LRRIQ3: variants seen among roughly 807,000 people sequenced by gnomAD.
The protein encoded by LRRIQ3 is leucine rich repeats and IQ motif containing 3, also known as leucine-rich repeat and IQ domain-containing protein 3.
A neutral mutation model predicts 59.3 loss-of-function variants in LRRIQ3; 75 were observed. The ratio of observed to expected loss-of-function variants is 1.26; its 90% confidence interval spans 1.05 to 1.53. LRRIQ3 has a LOEUF of 1.53. LRRIQ3 is among the 40% of genes most tolerant of loss of function. The pLI, the probability that LRRIQ3 is intolerant of heterozygous loss-of-function variation, is 0.00. For synonymous variants in LRRIQ3, 250 were observed against 231.3 expected, an observed-to-expected ratio of 1.08 and a Z score of -0.73; for missense variants, 831 against 710.0, an observed-to-expected ratio of 1.17 and a Z score of -1.94.
At chr1:74,128,185 C>A (rs541374929) in intron 4 of LRRIQ3, among the ~76,000 whole-genome samples, 1 of 152,086 alleles carries the variant, frequency 6.6e-6, no homozygotes, top group South Asian at 2.1e-4. Flanking sequence ...TTATTAAATA[C>A]CTTGAGGTTG....
At chr1:74,080,671 C>A (rs760606306) in intron 5 of LRRIQ3, among the ~76,000 whole-genome samples, 1 of 151,636 alleles carries the variant, frequency 6.6e-6, no homozygotes, top group Non-Finnish European at 1.5e-5. Flanking sequence ...GAGTGCTAAT[C>A]CAGATCTTAC....
intron 6 of LRRIQ3, among the ~76,000 whole-genome samples, chr1:74,059,352 T>TTTTTTTTTTTTTTTTTTTGAGACGGAG (rs1557597228): frequency 4.6e-5 from 7 of 152,098 alleles, no homozygotes; most frequent in African/African-American, 1.4e-4. Context: ...ATCTTCTCTT[T>TTTTTTTTTTTTTTTTTTTGAGACGGAG]TAAGACATTT....
chr1:74,154,640 C>T (rs1442665138), intron 4 of LRRIQ3, among the ~76,000 whole-genome samples: 1 of 152,064 alleles, frequency 6.6e-6, no homozygotes, highest in Non-Finnish European at 1.5e-5. Context: ...GGGAAATAAC[C>T]TAAAAACAAG....
chr1:74,140,652 A>T (rs1436608219), intron 4 of LRRIQ3, among the ~76,000 whole-genome samples: 3 of 151,864 alleles, frequency 2.0e-5, no homozygotes, highest in Admixed American at 2.0e-4. Flanking sequence ...GGCCATATGC[A>T]AATCTCAATG....
At chr1:74,166,297 T>G (rs912731914) in intron 3 of LRRIQ3, among the ~76,000 whole-genome samples, 1 of 151,684 alleles carries the variant, frequency 6.6e-6, no homozygotes, top group African/African-American at 2.4e-5. Context: ...TTGTGTTTTT[T>G]TTTCTGTAGA....
At chr1:74,174,107 C>G (rs1012459428) in intron 3 of LRRIQ3, among the ~76,000 whole-genome samples, 4 of 151,904 alleles carry the variant, frequency 2.6e-5, no homozygotes, top group Non-Finnish European at 5.9e-5. Context: ...CACTTTCTTC[C>G]CTCTTTTCTC....
At chr1:74,190,677 T>C (rs937725647) in intron 1 of LRRIQ3, among the ~76,000 whole-genome samples, 13 of 150,164 alleles carry the variant, frequency 8.7e-5, no homozygotes, top group African/African-American at 2.9e-4. Context: ...GTAGGATAAA[T>C]GTAAGAAAAT....
chr1:74,140,443 A>T (rs1443524513), intron 4 of LRRIQ3, among the ~76,000 whole-genome samples: 3 of 151,818 alleles, frequency 2.0e-5, no homozygotes, highest in Admixed American at 6.6e-5. Flanking sequence ...AACTATAATG[A>T]AATAATAATA....
At chr1:74,180,734 T>C in intron 3 of LRRIQ3, 1 of 1,550,310 alleles carries the variant, frequency 6.5e-7, no homozygotes, top group Non-Finnish European at 8.7e-7. Flanking sequence ...CTGTCCAATA[T>C]TGGGTAAGTT....
intron 6 of LRRIQ3, 78 bp downstream of exon 6, chr1:74,074,583 T>A (rs376436344): frequency 1.6e-6 from 1 of 631,518 alleles, no homozygotes; most frequent in East Asian, 4.3e-5. Context: ...CAAATCAACA[T>A]GCCCAATTTC....
intron 7 of LRRIQ3, among the ~76,000 whole-genome samples, chr1:74,036,536 A>G (rs1195959396): frequency 1.3e-5 from 2 of 152,188 alleles, no homozygotes; most frequent in African/African-American, 4.8e-5. Flanking sequence ...TTTTCTTGCT[A>G]ATCTGTCTTT....
At chr1:74,036,149 C>T (rs1570002270) in intron 7 of LRRIQ3, among the ~76,000 whole-genome samples, 1 of 146,106 alleles carries the variant, frequency 6.8e-6, no homozygotes, top group East Asian at 1.9e-4. Context: ...AAAAATGCTG[C>T]CCCCAAATAT....
intron 3 of LRRIQ3, among the ~76,000 whole-genome samples, chr1:74,166,518 C>T (rs1649000775): frequency 6.6e-6 from 1 of 151,692 alleles, no homozygotes; most frequent in Non-Finnish European, 1.5e-5. Context: ...ATTTTCTCAA[C>T]TTCTTTGGTT....
At chr1:74,128,675 G>A (rs1014305086) in intron 4 of LRRIQ3, among the ~76,000 whole-genome samples, 6 of 151,990 alleles carry the variant, frequency 3.9e-5, no homozygotes, top group Non-Finnish European at 8.8e-5. Flanking sequence ...TCAGTGTCTG[G>A]CCACTGAAGA....
At chr1:74,125,100 C>G (rs1308779223) in intron 4 of LRRIQ3, among the ~76,000 whole-genome samples, 1 of 151,482 alleles carries the variant, frequency 6.6e-6, no homozygotes, top group Non-Finnish European at 1.5e-5. Context: ...TCCTAGGTAT[C>G]TAATTTTATT....
At chr1:74,116,077 A>C (rs1646772714) in intron 4 of LRRIQ3, among the ~76,000 whole-genome samples, 1 of 152,172 alleles carries the variant, frequency 6.6e-6, no homozygotes, top group South Asian at 2.1e-4. Flanking sequence ...GATTTTAAAA[A>C]CCTGAAAACA....
At chr1:74,155,086 C>T (rs185728093) in intron 4 of LRRIQ3, among the ~76,000 whole-genome samples, 24 of 152,296 alleles carry the variant, frequency 1.6e-4, no homozygotes, top group African/African-American at 5.3e-4. Flanking sequence ...TTTTCTTATT[C>T]CAGATCTACG....
chr1:74,187,925 T>C (rs1303410897), intron 1 of LRRIQ3, among the ~76,000 whole-genome samples: 1 of 152,118 alleles, frequency 6.6e-6, no homozygotes, highest in Non-Finnish European at 1.5e-5. Context: ...ACTGGGTATA[T>C]ACCTAAAGCA....
rs1253389287 is a variant in LRRIQ3, at chr1:74,133,529, G to A, written c.707+22204C>T. Among the ~76,000 whole-genome samples the A allele has an allele frequency of 2.2e-4, 34 of 152,034 alleles. 1 individual carries two copies. Among genetic ancestry groups the A allele is most frequent in the Admixed American group, 2.2e-3 (34 of 15,252 alleles). ...CATATACACCATGGAATACTATGCAGCCATAAAAAATGATGAGTTCATGTC... is the reference window on the plus strand; with the variant it reads ...CATATACACCATGGAATACTATGCAACCATAAAAAATGATGAGTTCATGTC... On this transcript the variant is annotated intron_variant, in intron 4 of 7. Coordinates refer to ENST00000354431, the MANE Select transcript of LRRIQ3 (RefSeq NM_001105659.2).
Sources: gnomAD v4.1 joint callset for allele counts (sites outside exome capture counted in the v4.1 genomes callset) on GRCh38, gnomAD v4.1.1 for gene constraint, MANE v1.5 for transcripts, NCBI Gene and HGNC (gene_info 2026-07-23, HGNC 2026-07-21) for gene names.